Variants in FBXW4 observed in about 807,000 individuals in gnomAD.
The protein encoded by FBXW4 is F-box/WD repeat-containing protein 4.
In FBXW4, 40 loss-of-function variants were observed where a neutral mutation model predicts 61.8. That is an observed-to-expected ratio of 0.65 (90% CI 0.50 to 0.84). The LOEUF is 0.84. Among genes scored for constraint, FBXW4 ranks in the 40% least tolerant of loss-of-function variants. The probability of loss-of-function intolerance (pLI) is 0.00; values close to 1 mark genes in which losing one functional copy is unlikely to be tolerated. For synonymous variants in FBXW4, 311 were observed against 313.8 expected (o/e 0.99, Z 0.10); for missense variants, 672 against 753.8 (o/e 0.89, Z 1.27).
intron 5 of FBXW4, among the ~76,000 whole-genome samples, chr10:101,631,615 A>G (rs2063956836): frequency 6.6e-6 from 1 of 150,972 alleles, no homozygotes; most frequent in Admixed American, 6.6e-5. Context: ...TTAAAGGGAA[A>G]AACACATTAT....
In FBXW4 at chr10:101,624,754, T is replaced by A. The variant is rs747955894; in HGVS notation, c.1292A>T (p.Asp431Val). 2 of 1,614,132 alleles carry A rather than the reference T, an allele frequency of 1.2e-6. No homozygotes were observed. Among genetic ancestry groups the A allele is most frequent in the Non-Finnish European group, 1.7e-6 (2 of 1,180,026 alleles). Reference sequence around the variant, plus strand: ...CTCATGAATCTCTTACCTGTTGAGGTCCCAGATTCTCAGGGGTGAGAAGTG... The same window carrying A: ...CTCATGAATCTCTTACCTGTTGAGGACCCAGATTCTCAGGGGTGAGAAGTG... The part of the protein sequence containing the change: ...CGHFSPLRIW[D>V]LNSGQLMTHL... Residue 431 changes from aspartate to valine, a missense_variant, in exon 6 of 9, where the codon GAC becomes GTC. Transcript: ENST00000331272.
Position 101,612,377 on chromosome 10 carries a change from C to A in FBXW4, c.1402G>T (p.Asp468Tyr). The change falls in exon 7 of 9, where the codon GAC becomes TAC. Residue 468 changes from aspartate (D) to tyrosine (Y), a missense_variant. This residue lies in a region of FBXW4 where 312 missense variants were observed against 370.1 expected (regional missense o/e 0.84). Transcript: ENST00000331272. ...SPFTLLSCGY[D>Y]TYVRYWDLRT... ...AGGTCCCAGTAGCGAACATAGGTGTCATAGCCACAGGACAGCAGTGTGAAA... is the reference window on the plus strand; with the variant it reads ...AGGTCCCAGTAGCGAACATAGGTGTAATAGCCACAGGACAGCAGTGTGAAA... 6.3e-7 allele frequency: 1 copy of A among 1,597,730 alleles called. No homozygotes were observed. Among genetic ancestry groups the A allele is most frequent in the Admixed American group, 1.7e-5 (1 of 58,770 alleles).
chr10:101,666,366 T>A (rs2134883239), intron 5 of FBXW4, among the ~76,000 whole-genome samples: 1 of 152,290 alleles, frequency 6.6e-6, no homozygotes, highest in African/African-American at 2.4e-5. Context: ...TCCTGCTATA[T>A]CAGCCGTCAA....
Position 101,694,426 on chromosome 10 carries a change from G to A in FBXW4, c.680C>T (p.Ala227Val). ...TSCDLLWRRI[A>V]RASLNSGFTR... ...GAAGCCGGAGTTGAGCGAGGCCCGGGCTATCCGGCGCCAGAGCAGATCGCA... is the reference window on the plus strand; with the variant it reads ...GAAGCCGGAGTTGAGCGAGGCCCGGACTATCCGGCGCCAGAGCAGATCGCA... Residue 227 changes from alanine to valine, a missense_variant, in exon 1 of 9, where the codon GCC (alanine) becomes GTC (valine). Physicochemically the swap from Ala to Val is moderately conservative, Grantham distance 64. Coordinates refer to ENST00000331272, the MANE Select transcript of FBXW4 (RefSeq NM_022039.4). This position sits in a 1 kb window ranked among gnomAD's most constrained non-coding sequence, Gnocchi z 6.0. The A allele has an allele frequency of 6.6e-7, 1 of 1,526,380 alleles. No homozygotes were observed. The highest frequency in any genetic ancestry group is 8.7e-7 in the Non-Finnish European group (1 of 1,149,630). 94.6% of individuals were successfully genotyped at this position (1,526,380 alleles called of 1,614,324 possible). A position where few individuals can be genotyped will look rare whatever the true frequency, so the allele number is the denominator to read the frequency against.
chr10:101,690,239 C>T (rs2064581688), intron 1 of FBXW4, among the ~76,000 whole-genome samples: 1 of 152,204 alleles, frequency 6.6e-6, no homozygotes, highest in South Asian at 2.1e-4. Flanking sequence ...ATTCAGTCTA[C>T]ATTATCAAGT....
chr10:101,686,058 G>A (rs1212069616), intron 1 of FBXW4, among the ~76,000 whole-genome samples: 1 of 151,136 alleles, frequency 6.6e-6, no homozygotes, highest in Non-Finnish European at 1.5e-5. Flanking sequence ...TGTCTAAACA[G>A]TTTCAGAAGC....
intron 6 of FBXW4, among the ~76,000 whole-genome samples, chr10:101,616,657 AC>A (rs1157984212): frequency 1.3e-5 from 2 of 152,250 alleles, no homozygotes; most frequent in African/African-American, 2.4e-5. Context: ...AAGGTGCAGC[AC>A]TAGGGCAACC....
chr10:101,627,228 T>A lies in FBXW4; in HGVS notation c.1236-2418A>T, dbSNP rs190907775. Among the ~76,000 whole-genome samples, 9 of 152,204 alleles carry A rather than the reference T, an allele frequency of 5.9e-5. No individual in the cohort carries two copies. In the East Asian group the frequency reaches 1.7e-3, roughly 29 times the overall value. ...CTTTCTTAACTGCCTAGATGTGACA[T>A]CTATAAATGTTTCTTTCCAAAAGCT... is the stretch of plus-strand genomic sequence containing the variant. On this transcript the variant is annotated intron_variant, in intron 5 of 8. Coordinates refer to ENST00000331272, the MANE Select transcript of FBXW4 (RefSeq NM_022039.4).
At chr10:101,623,326 T>C (rs2134815366) in intron 6 of FBXW4, among the ~76,000 whole-genome samples, 1 of 152,280 alleles carries the variant, frequency 6.6e-6, no homozygotes, top group East Asian at 1.9e-4. Flanking sequence ...GATGGGAGGA[T>C]TGCTTGAGGC....
chr10:101,659,118 G>A (rs959873250), intron 5 of FBXW4, among the ~76,000 whole-genome samples: 18 of 151,930 alleles, frequency 1.2e-4, no homozygotes, highest in Admixed American at 1.0e-3. Flanking sequence ...GGCCTCTGTC[G>A]GCCCGTGTCC....
intron 6 of FBXW4, among the ~76,000 whole-genome samples, chr10:101,624,091 GACACACACACACAC>G (rs35664019): frequency 2.0e-5 from 3 of 147,706 alleles, no homozygotes; most frequent in South Asian, 2.1e-4. Flanking sequence ...GACACAGACA[GACACACACACACAC>G]ACACACACAC....
Position 101,611,296 on chromosome 10 carries a change from G to C in FBXW4, c.1699C>G (p.Pro567Ala), listed in dbSNP as rs1485155714. The stretch of plus-strand genomic sequence containing the variant: ...GGCAGGGGTGGCCCTGACGGTCATG[G>C]GTTTTGAAAATCCAGGACGTGGAGG... ...YNLHVLDFQN[P>A] The change falls in exon 9 of 9, where the codon CCA becomes GCA. Residue 567 changes from proline to alanine, a missense_variant. This residue lies in a region of FBXW4 where 312 missense variants were observed against 370.1 expected (regional missense o/e 0.84). Coordinates refer to ENST00000331272, the MANE Select transcript of FBXW4 (RefSeq NM_022039.4). The surrounding 1 kb of genome is among the most constrained non-coding windows in gnomAD (Gnocchi z 4.9). 1.2e-6 allele frequency: 2 copies of C among 1,613,788 alleles called. No individual in the cohort carries two copies. The highest frequency in any genetic ancestry group is 1.7e-6 in the Non-Finnish European group (2 of 1,179,912).
At chr10:101,669,130 G>A (rs2064334621) in intron 4 of FBXW4, among the ~76,000 whole-genome samples, 2 of 152,154 alleles carry the variant, frequency 1.3e-5, no homozygotes, top group African/African-American at 4.8e-5. Context: ...TGATGGGGGT[G>A]GGGGATGGGA....
intron 2 of FBXW4, among the ~76,000 whole-genome samples, chr10:101,675,728 G>A (rs1408893584): frequency 6.6e-6 from 1 of 152,188 alleles, no homozygotes; most frequent in Non-Finnish European, 1.5e-5. Context: ...TTGGTAGAGA[G>A]TCAAATAATA....
intron 1 of FBXW4, among the ~76,000 whole-genome samples, chr10:101,687,481 A>G (rs1270943476): frequency 6.6e-6 from 1 of 152,176 alleles, no homozygotes; most frequent in Non-Finnish European, 1.5e-5. Context: ...GTTCTCCTCA[A>G]TATGACTCCA....
intron 6 of FBXW4, among the ~76,000 whole-genome samples, chr10:101,618,541 T>C (rs1342061102): frequency 6.6e-6 from 1 of 151,668 alleles, no homozygotes; most frequent in East Asian, 1.9e-4. Context: ...AGCTTTGAGG[T>C]GGAAGTGGAG....
At chr10:101,618,517 A>AAGGGGAACTTGGGAGCTTTG (rs2063843173) in intron 6 of FBXW4, among the ~76,000 whole-genome samples, 1 of 152,156 alleles carries the variant, frequency 6.6e-6, no homozygotes. Flanking sequence ...TTGTTGAGAA[A>AAGGGGAACTTGGGAGCTTTG]AGGGGAACTT....
chr10:101,654,690 TCTG>T (rs1223716594), intron 5 of FBXW4, among the ~76,000 whole-genome samples: 1 of 152,240 alleles, frequency 6.6e-6, no homozygotes, highest in African/African-American at 2.4e-5. Flanking sequence ...CATTCCACAA[TCTG>T]CTATGACATC....
intron 5 of FBXW4, among the ~76,000 whole-genome samples, chr10:101,648,737 C>T (rs1159196934): frequency 2.6e-5 from 4 of 152,232 alleles, no homozygotes; most frequent in Non-Finnish European, 5.9e-5. Context: ...CCTGTGTCTG[C>T]ATTCCACCAT....
Sources: gnomAD v4.1 joint callset for allele counts (sites outside exome capture counted in the v4.1 genomes callset) on GRCh38, gnomAD v4.1.1 for gene constraint, gnomAD v4.1.1 regional missense constraint, Gnocchi (gnomAD v3.1) non-coding constraint, MANE v1.5 for transcripts, NCBI Gene and HGNC (gene_info 2026-07-23, HGNC 2026-07-21) for gene names.